The following STIL variants were observed in gnomAD, a reference collection of about 807,000 sequenced individuals.
STIL encodes the protein SCL-interrupting locus protein.
STIL carries 55 observed loss-of-function variants against 110.1 expected under a neutral mutation model. The observed-to-expected ratio is 0.50, with a 90% CI of 0.40 to 0.63. The LOEUF (loss-of-function observed/expected upper bound fraction) is 0.63, where lower values mean the gene tolerates loss of function less well. STIL is among the 20% of genes least tolerant of loss of function. The probability of loss-of-function intolerance (pLI) is 0.00; values close to 1 mark genes in which losing one functional copy is unlikely to be tolerated. For missense variants in STIL, 1,358 were observed against 1,530.0 expected (o/e 0.89, Z 1.87); for synonymous variants, 481 against 530.0 (o/e 0.91, Z 1.27).
rs750037109 is a variant in STIL, at chr1:47,280,857, A to G, written c.1601T>C (p.Ile534Thr). 1 of 1,614,236 alleles carries G rather than the reference A, an allele frequency of 6.2e-7. No individual in the cohort carries two copies. The highest frequency in any genetic ancestry group is 8.5e-7 in the Non-Finnish European group (1 of 1,180,040). Residue 534 changes from isoleucine to threonine, a missense_variant, in exon 12 of 17, where the codon ATA becomes ACA. Ile to Thr is a moderately conservative substitution (Grantham distance 89, BLOSUM62 -1). Transcript: ENST00000371877. The part of the protein sequence containing the change: ...PSSHNGPSHD[I>T]FEKLQTVSAG... ...AGAAACTGTTTGGAGCTTTTCAAAT[A>G]TATCATGAGATGGCCCATTATGAGA...
intron 6 of STIL, among the ~76,000 whole-genome samples, chr1:47,299,316 C>T (rs1376780103): frequency 6.6e-6 from 1 of 151,624 alleles, no homozygotes; most frequent in Non-Finnish European, 1.5e-5. Context: ...CACTGCACTC[C>T]AGTCTGGGTG....
Position 47,273,928 on chromosome 1 carries a change from T to C in STIL, c.2218-1687A>G, listed in dbSNP as rs1414326845. On this transcript the variant is annotated intron_variant, in intron 12 of 16. Transcript: ENST00000371877. ...AGTGGTTTGGAGTACAGCTTTGGTA[T>C]CATGTGGCTATAAGTTTAAATCCTA... Among the ~76,000 whole-genome samples, 6 of 152,234 alleles carry C rather than the reference T, an allele frequency of 3.9e-5. No homozygotes were observed. The South Asian group carries it at 6.2e-4, about 16-fold the overall frequency.
chr1:47,287,108 A>G (rs1645325130), intron 10 of STIL, among the ~76,000 whole-genome samples: 1 of 152,118 alleles, frequency 6.6e-6, no homozygotes, highest in South Asian at 2.1e-4. Context: ...CACACACGTG[A>G]TCCCAGCACT....
rs1402853516 is a variant in STIL, at chr1:47,270,249, TATATATACACAC to T, written c.2384-395_2384-384del. 5.8e-4 allele frequency among the ~76,000 whole-genome samples: 44 copies of T among 75,248 alleles called. 1 individual carries two copies. The highest frequency in any genetic ancestry group is 1.9e-3 in the African/African-American group (41 of 22,148). The allele number at this position is 75,248 out of a possible 152,430, so 49.4% of individuals were successfully genotyped here. On this transcript the variant is annotated intron_variant, in intron 13 of 16. Coordinates refer to ENST00000371877, the MANE Select transcript of STIL (RefSeq NM_001048166.1). ...GCTCAAAAAAAAAAAAAAATATATA[TATATATACACAC>T]ACACACACACACACACACACACACA...
At chr1:47,255,481 G>A (rs1307196968) in intron 16 of STIL, among the ~76,000 whole-genome samples, 1 of 151,110 alleles carries the variant, frequency 6.6e-6, no homozygotes, top group Non-Finnish European at 1.5e-5. Flanking sequence ...CCAGGAGATT[G>A]AGGCTGCAGT....
intron 11 of STIL, 94 bp from the exon 12 acceptor site, chr1:47,281,303 A>G (rs989012845): frequency 2.4e-6 from 3 of 1,235,362 alleles, no homozygotes; most frequent in Non-Finnish European, 2.2e-6. Context: ...AATTATATCT[A>G]ATTACATATT....
chr1:47,275,350 T>C (rs916971564), intron 12 of STIL, among the ~76,000 whole-genome samples: 5 of 151,968 alleles, frequency 3.3e-5, no homozygotes, highest in Non-Finnish European at 7.4e-5. Context: ...GGCTCACTCC[T>C]GTAATCCCAG....
rs1161795228 is a variant in STIL, at chr1:47,269,654, G to A, written c.2596C>T (p.Gln866Ter). 6.2e-7 allele frequency: 1 copy of A among 1,614,056 alleles called. No homozygotes were observed. The highest frequency in any genetic ancestry group is 1.7e-5 in the Admixed American group (1 of 60,014). ...SNIAVEEEFN[Q>*]PLSVSNSSSL... ...CCTTACTTGGATACAGAAAGTGGCT[G>A]GTTAAATTCTTCTTCCACAGCAATG... Residue 866 changes from glutamine (Q) to a stop codon, truncating the protein, a stop_gained, in exon 14 of 17, where the codon CAG becomes TAG. Transcript: ENST00000371877. LOFTEE classifies it high-confidence loss of function.
intron 5 of STIL, 96 bp from the exon 6 acceptor site, chr1:47,300,248 C>A (rs1645764759): frequency 8.3e-7 from 1 of 1,200,578 alleles, no homozygotes; most frequent in Non-Finnish European, 1.2e-6. Flanking sequence ...TATATAATAT[C>A]TTGCACAAAT....
rs750298375 is a variant in STIL at position 47,281,115 on chromosome 1, A to C, written c.1343T>G (p.Val448Gly). ...AATCAAAGGAGGATTTTCATTATTC[A>C]CCATTTCCAATGGAGTAGGCAGAGG... The part of the protein sequence containing the change: ...SNPLPTPLEM[V>G]NNENPPLINH... Residue 448 changes from valine to glycine, a missense_variant, in exon 12 of 17, where the codon GTG becomes GGG. By Grantham distance (109) the Val-to-Gly change is moderately radical. Coordinates refer to ENST00000371877, the MANE Select transcript of STIL (RefSeq NM_001048166.1). The C allele has an allele frequency of 1.2e-6, 2 of 1,614,154 alleles. No homozygotes were observed. The highest frequency in any genetic ancestry group is 4.5e-5 in the East Asian group (2 of 44,882).
intron 12 of STIL, among the ~76,000 whole-genome samples, chr1:47,273,182 A>C (rs1202238632): frequency 6.6e-6 from 1 of 152,170 alleles, no homozygotes; most frequent in Non-Finnish European, 1.5e-5. Flanking sequence ...CAAACACCAA[A>C]AGCCTCCCCT....
chr1:47,268,784 TA>T (rs745564802), intron 14 of STIL, among the ~76,000 whole-genome samples: 27,532 of 150,522 alleles, frequency 0.18, 2,576 homozygotes, highest in Non-Finnish European at 0.21. Context: ...AATAAATAAA[TA>T]AATAAATTAA....
At chr1:47,259,938 T>C (rs893289698) in intron 16 of STIL, among the ~76,000 whole-genome samples, 2 of 152,194 alleles carry the variant, frequency 1.3e-5, no homozygotes, top group South Asian at 4.1e-4. Flanking sequence ...CCTTATCACC[T>C]CCAGAAAGAC....
rs538219725 is a variant in STIL, at chr1:47,287,048, T to C, written c.1133+503A>G. ...TAGTAGTTAATTTTATAGTAGTTTA[T>C]CTGATAGGTCCAGATTTAAAACTAT... On this transcript the variant is annotated intron_variant, in intron 10 of 16. Coordinates refer to ENST00000371877, the MANE Select transcript of STIL (RefSeq NM_001048166.1). Among the ~76,000 whole-genome samples, 16 of 152,194 alleles carry C rather than the reference T, an allele frequency of 1.1e-4. No homozygotes were observed. The South Asian group carries it at 2.9e-3, about 28-fold the overall frequency.
chr1:47,298,360 C>A (rs1311970503), intron 6 of STIL, among the ~76,000 whole-genome samples: 2 of 152,090 alleles, frequency 1.3e-5, no homozygotes, highest in Non-Finnish European at 2.9e-5. Flanking sequence ...AGGGAAGCAG[C>A]CTTGCTGAAG....
At chr1:47,254,734 T>C (rs555585678) in intron 16 of STIL, among the ~76,000 whole-genome samples, 96 of 152,152 alleles carry the variant, frequency 6.3e-4, no homozygotes, top group Non-Finnish European at 1.1e-3. Context: ...GGGGTCTCAC[T>C]ATGTTGTTCA....
chr1:47,303,788 G>A (rs1230491648), intron 3 of STIL, among the ~76,000 whole-genome samples: 1 of 152,066 alleles, frequency 6.6e-6, no homozygotes, highest in Non-Finnish European at 1.5e-5. Flanking sequence ...TGTTGAACCC[G>A]AATACTTTCT....
At chr1:47,253,133 G>A (rs1644234448) in intron 16 of STIL, among the ~76,000 whole-genome samples, 1 of 152,104 alleles carries the variant, frequency 6.6e-6, no homozygotes, top group Non-Finnish European at 1.5e-5. Context: ...TTACTGAGTC[G>A]TTATATATGC....
Position 47,263,029 on chromosome 1 carries a change from T to C in STIL, c.2703A>G (p.Leu901=). 6.2e-7 allele frequency: 1 copy of C among 1,614,218 alleles called. No homozygotes were observed. Among genetic ancestry groups the C allele is most frequent in the Non-Finnish European group, 8.5e-7 (1 of 1,180,040 alleles). ...TGGCACCCCCTGTTGGTCCAGTCTG[T>C]AAACACATGCTTACACTTTCTGCCA... ...GQLAESVSMC[L]QTGPTGGASN... Residue 901 remains leucine, a synonymous_variant, in exon 15 of 17, where the codon TTA becomes TTG. Coordinates refer to ENST00000371877, the MANE Select transcript of STIL (RefSeq NM_001048166.1).
Sources: gnomAD v4.1 joint callset for allele counts (sites outside exome capture counted in the v4.1 genomes callset) on GRCh38, gnomAD v4.1.1 for gene constraint, MANE v1.5 for transcripts, NCBI Gene and HGNC (gene_info 2026-07-23, HGNC 2026-07-21) for gene names.